Variants in RFX7 observed in about 807,000 individuals in gnomAD.
RFX7 encodes regulatory factor X7.
Under a neutral mutation model 111.8 loss-of-function variants are expected in RFX7, and 26 were observed. That is an observed-to-expected ratio of 0.23 (90% confidence interval 0.17 to 0.32). The LOEUF (loss-of-function observed/expected upper bound fraction) is 0.32. Ranked by LOEUF, RFX7 falls within the 10% of genes least tolerant of loss-of-function variation. RFX7 has a pLI of 1.00. For synonymous variants in RFX7, 624 were observed against 624.4 expected (o/e 1.00, Z 0.01); for missense variants, 1,573 against 1,772.9 (o/e 0.89, Z 2.02).
chr15:56,177,788 T>C (rs2042918279), intron 3 of RFX7, among the ~76,000 whole-genome samples: 1 of 152,068 alleles, frequency 6.6e-6, no homozygotes, highest in South Asian at 2.1e-4. Flanking sequence ...GTCTAGTATA[T>C]GATAAACATG....
intron 5 of RFX7, among the ~76,000 whole-genome samples, chr15:56,114,411 CAA>C (rs55731452): frequency 5.2e-5 from 4 of 76,756 alleles, no homozygotes; most frequent in East Asian, 3.0e-4. Flanking sequence ...ATTCTGTCTC[CAA>C]AAAAAAAAAA....
intron 3 of RFX7, among the ~76,000 whole-genome samples, chr15:56,150,044 C>CGGGGGGGGGGGGGGGGGGGGGG (rs377545008): frequency 2.4e-5 from 1 of 41,698 alleles, no homozygotes; most frequent in Non-Finnish European, 4.9e-5. Flanking sequence ...CGGGGTGGGG[C>CGGGGGGGGGGGGGGGGGGGGGG]GGGGGGGTCG....
At chr15:56,106,329 A>G (rs1159459378) in intron 5 of RFX7, among the ~76,000 whole-genome samples, 1 of 152,226 alleles carries the variant, frequency 6.6e-6, no homozygotes, top group Non-Finnish European at 1.5e-5. Flanking sequence ...ATAAATATTA[A>G]AAGTACTTTG....
intron 3 of RFX7, among the ~76,000 whole-genome samples, chr15:56,145,064 T>C (rs1454831791): frequency 1.3e-5 from 2 of 152,248 alleles, no homozygotes; most frequent in African/African-American, 4.8e-5. Flanking sequence ...AATTATTTGT[T>C]GGCTTGCCAA....
intron 2 of RFX7, among the ~76,000 whole-genome samples, chr15:56,217,290 A>G (rs1190694258): frequency 2.6e-5 from 4 of 152,214 alleles, no homozygotes; most frequent in Non-Finnish European, 4.4e-5. Context: ...AACATTAACA[A>G]TAATTCCACA....
chr15:56,116,856 C>A (rs1041054016), intron 5 of RFX7, among the ~76,000 whole-genome samples: 21 of 151,780 alleles, frequency 1.4e-4, no homozygotes, highest in African/African-American at 4.8e-4. Flanking sequence ...ACAAATTGTA[C>A]AAACATTGTA....
At chr15:56,214,134 C>T (rs372265925) in intron 2 of RFX7, among the ~76,000 whole-genome samples, 246 of 152,182 alleles carry the variant, frequency 1.6e-3, no homozygotes, top group African/African-American at 5.7e-3. Context: ...AATACCAAAC[C>T]GCCATAAATA....
In RFX7 at chr15:56,096,208, C is replaced by T. The variant is rs948787460; in HGVS notation, c.1520G>A (p.Ser507Asn). The T allele has an allele frequency of 6.2e-7, 1 of 1,613,976 alleles. No homozygotes were observed. The highest frequency in any genetic ancestry group is 2.2e-5 in the East Asian group (1 of 44,890). The change falls in exon 10 of 10, where the codon AGT (serine) becomes AAT (asparagine). Residue 507 changes from serine to asparagine, a missense_variant. Ser to Asn is a conservative substitution (Grantham distance 46). Transcript: ENST00000559447. ...SATGTTEESR[S>N]VPQIKNGSVV... ...AGAACCATTCTTGATCTGTGGAACA[C>T]TCCTTGATTCTTCTGTTGTTCCTGT...
intron 2 of RFX7, among the ~76,000 whole-genome samples, chr15:56,186,789 CACT>C (rs2043044528): frequency 6.6e-6 from 1 of 152,046 alleles, no homozygotes; most frequent in African/African-American, 2.4e-5. Flanking sequence ...CAAATTCCAC[CACT>C]ACAACCAATA....
chr15:56,227,167 T>C (rs1240800110), intron 2 of RFX7, among the ~76,000 whole-genome samples: 1 of 152,212 alleles, frequency 6.6e-6, no homozygotes, highest in Non-Finnish European at 1.5e-5. Flanking sequence ...GCTTATAGTA[T>C]TTTGCAAAGG....
chr15:56,201,796 C>T (rs1038178928), intron 2 of RFX7, among the ~76,000 whole-genome samples: 4 of 152,072 alleles, frequency 2.6e-5, no homozygotes, highest in Admixed American at 6.5e-5. Context: ...TTTGGGAGGC[C>T]GAGATGGGCA....
At chr15:56,169,404 C>T (rs1459741402) in intron 3 of RFX7, among the ~76,000 whole-genome samples, 3 of 152,202 alleles carry the variant, frequency 2.0e-5, no homozygotes, top group Non-Finnish European at 2.9e-5. Context: ...GACTTAGAAA[C>T]ATATATTTAT....
rs775864565 is a variant in RFX7, at chr15:56,243,302, G to T, written c.-2-15C>A. ...CTCTGCCATCGCTGCAGAGGGGTGG[G>T]AGGGAGGGAGGGAAAGATGGGGGCG... On this transcript the variant is annotated splice_polypyrimidine_tract_variant and intron_variant, in intron 1 of 9. Coordinates refer to ENST00000559447, the MANE Select transcript of RFX7 (RefSeq NM_022841.7). The T allele has an allele frequency of 5.0e-6, 5 of 1,005,510 alleles. No individual in the cohort carries two copies. Among genetic ancestry groups the T allele is most frequent in the Non-Finnish European group, 5.2e-6 (4 of 773,908 alleles). The allele number at this position is 1,005,510 out of a possible 1,614,324, so 62.3% of individuals were successfully genotyped here.
Position 56,190,959 on chromosome 15 carries a change from T to C in RFX7, c.162-11656A>G, listed in dbSNP as rs552766538. ...ATATACATATATTTTTAAAGTATAT[T>C]CAGAAAGTTAAAAAGAGACATCTTA... On this transcript the variant is annotated intron_variant, in intron 2 of 9. Transcript: ENST00000559447. Among the ~76,000 whole-genome samples the C allele has an allele frequency of 1.6e-3, 239 of 152,330 alleles. 2 individuals carry two copies. The highest frequency in any genetic ancestry group is 5.6e-3 in the African/African-American group (231 of 41,580).
Position 56,087,481 on chromosome 15 carries a change from C to G in RFX7, c.*5864G>C, listed in dbSNP as rs1394079840. 4.4e-6 allele frequency: 2 copies of G among 456,634 alleles called. No individual in the cohort carries two copies. Among genetic ancestry groups the G allele is most frequent in the East Asian group, 1.4e-4 (2 of 14,392 alleles). The allele number at this position is 456,634 out of a possible 1,614,324, so 28.3% of individuals were successfully genotyped here. On this transcript the variant is annotated 3_prime_UTR_variant, in exon 10 of 10. Coordinates refer to ENST00000559447, the MANE Select transcript of RFX7 (RefSeq NM_022841.7). ...GAGTTCTAGCCATCACATTTGCATT[C>G]CAGCCAGCAGAGAGGAAGGACAAGA...
In RFX7 at chr15:56,094,218, A is replaced by G. The variant is rs2041638956; in HGVS notation, c.3510T>C (p.Ala1170=). Residue 1170 remains alanine, a synonymous_variant, in exon 10 of 10, where the codon GCT becomes GCC. Transcript: ENST00000559447. ...SNFRCRSVSP[A]VHRQRNLSGS... ...CACTAAGATTACGTTGGCGATGAAC[A>G]GCAGGGCTCACACTCCGGCATCTGA... 1 of 1,613,882 alleles carries G rather than the reference A, an allele frequency of 6.2e-7. No individual in the cohort carries two copies. The highest frequency in any genetic ancestry group is 1.3e-5 in the African/African-American group (1 of 74,924).
intron 8 of RFX7, among the ~76,000 whole-genome samples, chr15:56,100,275 C>T (rs1298251228): frequency 2.6e-5 from 4 of 152,046 alleles, no homozygotes; most frequent in African/African-American, 9.7e-5. Flanking sequence ...CTATTTAGCT[C>T]GATAAGGCTG....
intron 2 of RFX7, among the ~76,000 whole-genome samples, chr15:56,242,344 A>T (rs1230341661): frequency 2.1e-4 from 32 of 152,250 alleles, no homozygotes; most frequent in Non-Finnish European, 4.3e-4. Flanking sequence ...AGTGTATTTA[A>T]TTATTAAAAG....
At chr15:56,157,221 A>G (rs940135453) in intron 3 of RFX7, among the ~76,000 whole-genome samples, 5 of 152,122 alleles carry the variant, frequency 3.3e-5, no homozygotes, top group Admixed American at 6.5e-5. Flanking sequence ...CCAGGCAGTC[A>G]AATCTATCAA....
Sources: gnomAD v4.1 joint callset for allele counts (sites outside exome capture counted in the v4.1 genomes callset) on GRCh38, gnomAD v4.1.1 for gene constraint, MANE v1.5 for transcripts, NCBI Gene and HGNC (gene_info 2026-07-23, HGNC 2026-07-21) for gene names.